The following NSMAF variants were observed in gnomAD, a reference collection of about 807,000 sequenced individuals.
NSMAF encodes protein FAN.
Under a neutral mutation model 134.9 loss-of-function variants are expected in NSMAF, and 90 were observed. That is an observed-to-expected ratio of 0.67 (90% CI 0.56 to 0.79). The LOEUF is 0.79. Among genes scored for constraint, NSMAF ranks in the 30% least tolerant of loss-of-function variants. The pLI is 0.00. For missense variants in NSMAF, 1,010 were observed against 1,119.0 expected, an observed-to-expected ratio of 0.90 and a Z score of 1.39; for synonymous variants, 358 against 389.6, an observed-to-expected ratio of 0.92 and a Z score of 0.96.
chr8:58,622,295 A>C (rs1405098414), intron 9 of NSMAF, among the ~76,000 whole-genome samples: 1 of 152,124 alleles, frequency 6.6e-6, no homozygotes, highest in African/African-American at 2.4e-5. Flanking sequence ...GTACAGAGGC[A>C]TAATCATGGC....
intron 9 of NSMAF, among the ~76,000 whole-genome samples, chr8:58,612,394 G>A (rs1020383269): frequency 2.6e-5 from 4 of 152,214 alleles, no homozygotes; most frequent in Non-Finnish European, 4.4e-5. Flanking sequence ...AGGGACAGAA[G>A]CTCCTGCACT....
intron 2 of NSMAF, chr8:58,639,836 G>T: frequency 4.4e-6 from 1 of 228,126 alleles, no homozygotes; most frequent in Admixed American, 5.5e-5. Context: ...CCTGCTACTT[G>T]TGGCCATGTG....
intron 2 of NSMAF, chr8:58,639,904 C>G (rs1038809199): frequency 3.1e-6 from 1 of 322,794 alleles, no homozygotes; most frequent in African/African-American, 2.2e-5. Context: ...AGGACAAATA[C>G]TACATGATTT....
intron 16 of NSMAF, among the ~76,000 whole-genome samples, chr8:58,600,621 C>CAAAAAAAAAAAAA (rs35209612): frequency 6.7e-5 from 3 of 44,682 alleles, no homozygotes; most frequent in African/African-American, 2.7e-4. Flanking sequence ...GACTCTGTCT[C>CAAAAAAAAAAAAA]AAAAAAAAAA....
chr8:58,620,793 CCA>C (rs1806769580), intron 9 of NSMAF, among the ~76,000 whole-genome samples: 1 of 152,042 alleles, frequency 6.6e-6, no homozygotes, highest in Non-Finnish European at 1.5e-5. Context: ...AGAAATAATT[CCA>C]GTTAGACCGA....
intron 11 of NSMAF, among the ~76,000 whole-genome samples, chr8:58,606,838 C>T (rs957989277): frequency 6.6e-6 from 1 of 152,190 alleles, no homozygotes; most frequent in Non-Finnish European, 1.5e-5. Flanking sequence ...ACAATACTAT[C>T]TACTTCACAA....
chr8:58,606,033 G>A lies in NSMAF; in HGVS notation c.762C>T (p.Gly254=). Residue 254 remains glycine (G), a splice_region_variant and synonymous_variant, in exon 12 of 31, where the codon GGC becomes GGT. Coordinates refer to ENST00000038176, the MANE Select transcript of NSMAF (RefSeq NM_003580.4). The part of the protein sequence containing the change: ...YKRRHGLMPL[G]LEVFCTEDDL... The stretch of plus-strand genomic sequence containing the variant: ...CATCTTCTGTGCAAAATACTTCCAA[G>A]CCCTATAAATTCAAAAAGAAAATAA... 4 of 1,554,006 alleles carry A rather than the reference G, an allele frequency of 2.6e-6. No individual in the cohort carries two copies. Among genetic ancestry groups the A allele is most frequent in the African/African-American group, 1.4e-5 (1 of 71,260 alleles).
intron 30 of NSMAF, among the ~76,000 whole-genome samples, chr8:58,585,331 T>C (rs1271209942): frequency 6.7e-6 from 1 of 150,176 alleles, no homozygotes; most frequent in Non-Finnish European, 1.5e-5. Flanking sequence ...TTTTTTTTTC[T>C]CTTTTTTTAC....
intron 1 of NSMAF, among the ~76,000 whole-genome samples, chr8:58,652,080 A>C (rs890728139): frequency 6.6e-6 from 1 of 152,126 alleles, no homozygotes; most frequent in Admixed American, 6.5e-5. Context: ...ATCAGAGAAC[A>C]TTTGTTCTAG....
At chr8:58,591,334 T>TA (rs1436755623) in intron 23 of NSMAF, among the ~76,000 whole-genome samples, 8 of 152,144 alleles carry the variant, frequency 5.3e-5, no homozygotes, top group Non-Finnish European at 2.9e-5. Context: ...ATGTTTTCTT[T>TA]AAAAAAACTG....
In NSMAF at chr8:58,600,031, A is replaced by G; in HGVS notation, c.1281-10T>C. 1 of 1,590,976 alleles carries G rather than the reference A, an allele frequency of 6.3e-7. No individual in the cohort carries two copies. The highest frequency in any genetic ancestry group is 1.3e-5 in the African/African-American group (1 of 74,224). On this transcript the variant is annotated splice_polypyrimidine_tract_variant and intron_variant, in intron 16 of 30. Coordinates refer to ENST00000038176, the MANE Select transcript of NSMAF (RefSeq NM_003580.4). ...CCAAGTTTCTGCAATACTACATATG[A>G]AAAAAAAATTCACCTATTTTCAGCT...
chr8:58,605,622 G>A (rs1159920757), intron 12 of NSMAF, among the ~76,000 whole-genome samples: 1 of 152,134 alleles, frequency 6.6e-6, no homozygotes. Flanking sequence ...ACAAAGAGGC[G>A]ATTCTACAAA....
intron 10 of NSMAF, among the ~76,000 whole-genome samples, chr8:58,608,717 T>A (rs1230558531): frequency 6.6e-6 from 1 of 152,210 alleles, no homozygotes; most frequent in Non-Finnish European, 1.5e-5. Flanking sequence ...GCATGCAGTG[T>A]CTACTGGAGA....
intron 1 of NSMAF, among the ~76,000 whole-genome samples, chr8:58,649,855 T>C (rs1281420634): frequency 6.6e-6 from 1 of 152,222 alleles, no homozygotes; most frequent in Non-Finnish European, 1.5e-5. Flanking sequence ...TGCAGAACTG[T>C]GAGCCCATTA....
chr8:58,588,584 C>A (rs1054314315), intron 26 of NSMAF: 8 of 1,335,568 alleles, frequency 6.0e-6, no homozygotes, highest in Non-Finnish European at 8.5e-6. Context: ...AGCAAATAGG[C>A]ATCAAAGATG....
intron 1 of NSMAF, chr8:58,659,202 T>G: frequency 1.4e-6 from 2 of 1,451,082 alleles, no homozygotes; most frequent in Non-Finnish European, 1.8e-6. Flanking sequence ...CACCCTCCCC[T>G]GCGAACGCCC....
intron 9 of NSMAF, among the ~76,000 whole-genome samples, chr8:58,621,078 C>T (rs1585746626): frequency 2.6e-5 from 4 of 151,882 alleles, no homozygotes; most frequent in Middle Eastern, 6.8e-3. Context: ...GGCAGTTTTT[C>T]GATCCTCACC....
chr8:58,637,546 T>G (rs1382647433), intron 2 of NSMAF, among the ~76,000 whole-genome samples: 1 of 152,202 alleles, frequency 6.6e-6, no homozygotes. Context: ...TTGGAAAAGT[T>G]AAACTGTCTC....
intron 1 of NSMAF, among the ~76,000 whole-genome samples, chr8:58,644,897 G>C (rs1435408969): frequency 6.6e-6 from 1 of 152,150 alleles, no homozygotes; most frequent in Non-Finnish European, 1.5e-5. Context: ...TCGCTCATAA[G>C]TGGGAGCTGA....
Sources: allele counts gnomAD v4.1 joint callset (sites outside exome capture counted in the v4.1 genomes callset), GRCh38; gene constraint gnomAD v4.1.1; transcripts MANE v1.5; gene names NCBI Gene and HGNC (gene_info 2026-07-23, HGNC 2026-07-21).